COMMD7: variants seen among roughly 807,000 people sequenced by gnomAD.
COMMD7 encodes COMM domain-containing protein 7.
In COMMD7, 28 loss-of-function variants were observed where a neutral mutation model predicts 34.8. The observed-to-expected ratio is 0.80, with a 90% confidence interval of 0.60 to 1.10. The LOEUF (loss-of-function observed/expected upper bound fraction) is 1.10. Among genes scored for constraint, COMMD7 ranks in the 50% least tolerant of loss-of-function variants. The pLI, the probability that COMMD7 is intolerant of heterozygous loss-of-function variation, is 0.00. For missense variants in COMMD7, 211 were observed against 241.6 expected, an observed-to-expected ratio of 0.87 and a Z score of 0.84; for synonymous variants, 80 against 86.4, an observed-to-expected ratio of 0.93 and a Z score of 0.41.
intron 3 of COMMD7, among the ~76,000 whole-genome samples, chr20:32,714,263 C>T (rs999924500): frequency 2.8e-4 from 42 of 152,216 alleles, no homozygotes; most frequent in Admixed American, 2.2e-3. Context: ...GCTGATTATT[C>T]TTTTTTGTGT....
chr20:32,717,628 T>A lies in COMMD7; in HGVS notation c.241+10265A>T, dbSNP rs546360516. On this transcript the variant is annotated intron_variant, in intron 3 of 8. Coordinates refer to ENST00000278980, the MANE Select transcript of COMMD7 (RefSeq NM_053041.3). ...GGCGTGAGCCACCATACCTGGCCAA[T>A]TTTTTTTATTTTTTGTAGAGGTAGT... Among the ~76,000 whole-genome samples, 3 of 151,674 alleles carry A rather than the reference T, an allele frequency of 2.0e-5. No homozygotes were observed. The East Asian group carries it at 5.9e-4, about 30-fold the overall frequency.
intron 3 of COMMD7, among the ~76,000 whole-genome samples, chr20:32,717,415 T>C (rs1383843325): frequency 6.6e-6 from 1 of 151,430 alleles, no homozygotes; most frequent in Non-Finnish European, 1.5e-5. Flanking sequence ...AACATCTGCC[T>C]CCCAGGTTCA....
chr20:32,707,302 T>TAC (rs1469373335), intron 3 of COMMD7, among the ~76,000 whole-genome samples: 2 of 128,304 alleles, frequency 1.6e-5, no homozygotes, highest in Non-Finnish European at 3.2e-5. Context: ...AAAATATATA[T>TAC]ATATATACTT....
At chr20:32,734,240 C>A (rs1986015099) in intron 1 of COMMD7, among the ~76,000 whole-genome samples, 1 of 150,164 alleles carries the variant, frequency 6.7e-6, no homozygotes, top group African/African-American at 2.5e-5. Context: ...TTTGGGAGGC[C>A]AAGGCGGGTG....
chr20:32,727,860 C>G (rs764159222), intron 3 of COMMD7, 33 bp downstream of exon 3: 3 of 1,507,720 alleles, frequency 2.0e-6, no homozygotes, highest in Non-Finnish European at 2.8e-6. Flanking sequence ...AAGTTAATGT[C>G]TCTGGCCACA....
chr20:32,721,866 C>T (rs1205542135), intron 3 of COMMD7, among the ~76,000 whole-genome samples: 4 of 149,936 alleles, frequency 2.7e-5, no homozygotes, highest in South Asian at 4.3e-4. Context: ...TACTGCGCTC[C>T]AGCCTGGGCG....
chr20:32,706,435 C>T, intron 5 of COMMD7, 148 bp downstream of exon 5: 1 of 630,344 alleles, frequency 1.6e-6, no homozygotes, highest in South Asian at 2.0e-5. Context: ...ATCACTTGAA[C>T]CCGAGAGGCA....
At chr20:32,726,390 C>T (rs994307109) in intron 3 of COMMD7, among the ~76,000 whole-genome samples, 3 of 151,558 alleles carry the variant, frequency 2.0e-5, no homozygotes, top group Non-Finnish European at 2.9e-5. Flanking sequence ...AGCGAGACTC[C>T]GTCTCAAAAA....
Position 32,743,306 on chromosome 20 carries a change from A to G in COMMD7, c.84+2T>C. 3 of 1,230,570 alleles carry G rather than the reference A, an allele frequency of 2.4e-6. No homozygotes were observed. The highest frequency in any genetic ancestry group is 3.1e-6 in the Non-Finnish European group (3 of 971,204). 76.2% of individuals were successfully genotyped at this position (1,230,570 alleles called of 1,614,324 possible). On this transcript the variant is annotated splice_donor_variant, in intron 1 of 8. Coordinates refer to ENST00000278980, the MANE Select transcript of COMMD7 (RefSeq NM_053041.3). LOFTEE classifies it high-confidence loss of function. ...CGCCCCACGCCCCGCCGCCGGGCCCACCTGCGCGCCCAGCTGGTTCAGCTG... is the reference window on the plus strand; with the variant it reads ...CGCCCCACGCCCCGCCGCCGGGCCCGCCTGCGCGCCCAGCTGGTTCAGCTG...
In COMMD7 at chr20:32,710,251, T is replaced by C. The variant is rs568190316; in HGVS notation, c.242-3491A>G. ...GGATATTCTGCATTGCATTTATAAC[T>C]ACCCAACTTTATGTTATATATTTAT... On this transcript the variant is annotated intron_variant, in intron 3 of 8. Transcript: ENST00000278980. Among the ~76,000 whole-genome samples the C allele has an allele frequency of 3.3e-5, 5 of 152,230 alleles. No homozygotes were observed. The South Asian group carries it at 8.3e-4, about 25-fold the overall frequency.
At chr20:32,705,376 A>ATATATATATT (rs1335467096) in intron 5 of COMMD7, among the ~76,000 whole-genome samples, 4 of 125,458 alleles carry the variant, frequency 3.2e-5, no homozygotes, top group African/African-American at 1.4e-4. Flanking sequence ...ATATATATAT[A>ATATATATATT]TTTTTTTTTT....
intron 5 of COMMD7, 71 bp downstream of exon 5, chr20:32,706,512 C>CAA (rs372047124): frequency 1.0e-3 from 1,114 of 1,065,680 alleles, no homozygotes; most frequent in African/African-American, 1.7e-3. Flanking sequence ...GACTCCATCT[C>CAA]AAAAAAAAAA....
At chr20:32,720,072 G>A (rs920373712) in intron 3 of COMMD7, among the ~76,000 whole-genome samples, 16 of 152,330 alleles carry the variant, frequency 1.1e-4, no homozygotes, top group African/African-American at 2.6e-4. Flanking sequence ...GGTTCTACAA[G>A]GCTGATTTGT....
chr20:32,720,569 G>A (rs548336573), intron 3 of COMMD7, among the ~76,000 whole-genome samples: 20 of 152,152 alleles, frequency 1.3e-4, no homozygotes, highest in African/African-American at 4.8e-4. Context: ...CAGCATTTTG[G>A]GAGGCCAAGG....
chr20:32,725,716 C>T (rs1985469727), intron 3 of COMMD7, among the ~76,000 whole-genome samples: 1 of 152,030 alleles, frequency 6.6e-6, no homozygotes, highest in African/African-American at 2.4e-5. Context: ...GCGTGAGCCA[C>T]CACACCTGGC....
At chr20:32,728,508 G>T (rs1402879201) in intron 1 of COMMD7, among the ~76,000 whole-genome samples, 8 of 151,632 alleles carry the variant, frequency 5.3e-5, no homozygotes, top group African/African-American at 1.9e-4. Context: ...ATTAAAAGCG[G>T]TTACCACTTT....
At chr20:32,705,547 A>G (rs193226884) in intron 5 of COMMD7, among the ~76,000 whole-genome samples, 3 of 151,448 alleles carry the variant, frequency 2.0e-5, no homozygotes, top group South Asian at 2.1e-4. Flanking sequence ...CTAATTTTTT[A>G]TATTTTTAGT....
intron 3 of COMMD7, among the ~76,000 whole-genome samples, chr20:32,718,781 A>C (rs1180080749): frequency 2.2e-5 from 3 of 138,840 alleles, no homozygotes; most frequent in African/African-American, 5.5e-5. Context: ...TCCCCCTGCC[A>C]AAAAAAAAAA....
chr20:32,738,456 G>A (rs1986262375), intron 1 of COMMD7, among the ~76,000 whole-genome samples: 1 of 152,056 alleles, frequency 6.6e-6, no homozygotes, highest in South Asian at 2.1e-4. Context: ...GCATGGTGGT[G>A]CACGCCTGTA....
Sources: gnomAD v4.1 joint callset for allele counts (sites outside exome capture counted in the v4.1 genomes callset) on GRCh38, gnomAD v4.1.1 for gene constraint, MANE v1.5 for transcripts, NCBI Gene and HGNC (gene_info 2026-07-23, HGNC 2026-07-21) for gene names.